GALNT1: variants seen among roughly 807,000 people sequenced by gnomAD.
The protein encoded by GALNT1 is GalNAc transferase 1.
A neutral mutation model predicts 65.7 loss-of-function variants in GALNT1; 17 were observed. The ratio of observed to expected loss-of-function variants is 0.26; its 90% CI spans 0.18 to 0.39. The LOEUF (loss-of-function observed/expected upper bound fraction) is 0.39, where lower values mean the gene tolerates loss of function less well. Ranked by LOEUF, GALNT1 falls within the 10% of genes least tolerant of loss-of-function variation. GALNT1 has a pLI of 1.00. For missense variants in GALNT1, 460 were observed against 672.8 expected (o/e 0.68, Z 3.50); for synonymous variants, 210 against 219.7 (o/e 0.96, Z 0.39).
chr18:35,636,087 T>A (rs975249665), intron 1 of GALNT1, among the ~76,000 whole-genome samples: 2 of 152,202 alleles, frequency 1.3e-5, no homozygotes, highest in Non-Finnish European at 2.9e-5. Context: ...GAAACCTGCT[T>A]TATGTTATAC....
intron 1 of GALNT1, among the ~76,000 whole-genome samples, chr18:35,637,545 G>T (rs2047107174): frequency 6.6e-6 from 1 of 152,240 alleles, no homozygotes; most frequent in Non-Finnish European, 1.5e-5. Flanking sequence ...TGAGGAAGCT[G>T]CAGAAGAAAA....
chr18:35,704,255 G>A (rs896414665), intron 11 of GALNT1, among the ~76,000 whole-genome samples: 3 of 150,434 alleles, frequency 2.0e-5, no homozygotes, highest in African/African-American at 7.4e-5. Context: ...TCTTTCTCTG[G>A]TTCTTTTTAA....
chr18:35,708,882 T>C (rs968341876), intron 11 of GALNT1, among the ~76,000 whole-genome samples: 2 of 152,250 alleles, frequency 1.3e-5, no homozygotes, highest in Non-Finnish European at 2.9e-5. Flanking sequence ...ATTATCTATG[T>C]AGTTTCCCAA....
At chr18:35,624,104 C>A (rs540681605) in intron 1 of GALNT1, among the ~76,000 whole-genome samples, 13 of 152,298 alleles carry the variant, frequency 8.5e-5, no homozygotes, top group African/African-American at 3.1e-4. Flanking sequence ...CTGTTCAGTT[C>A]TTTCAGCTAT....
chr18:35,696,435 C>T (rs547179262), intron 9 of GALNT1, among the ~76,000 whole-genome samples: 5 of 152,344 alleles, frequency 3.3e-5, no homozygotes, highest in Admixed American at 2.0e-4. Context: ...CTTCAGCTAA[C>T]GCTGACGTTC....
chr18:35,671,187 C>T lies in GALNT1; in HGVS notation c.315-6404C>T, dbSNP rs2047629623. 2.0e-5 allele frequency among the ~76,000 whole-genome samples: 3 copies of T among 152,030 alleles called. No homozygotes were observed. The South Asian group carries it at 6.2e-4, about 32-fold the overall frequency. ...CGTGCTCATGTTCATAGGCAGCCTACCATTGAAGGGACTCTCACTCTGTAT... is the reference window on the plus strand; with the variant it reads ...CGTGCTCATGTTCATAGGCAGCCTATCATTGAAGGGACTCTCACTCTGTAT... On this transcript the variant is annotated intron_variant, in intron 3 of 11. Coordinates refer to ENST00000269195, the MANE Select transcript of GALNT1 (RefSeq NM_020474.4).
rs1248045438 is a variant in GALNT1 at position 35,702,886 on chromosome 18, T to A, written c.1300-11T>A. 1.9e-6 allele frequency: 3 copies of A among 1,554,818 alleles called. No homozygotes were observed. Among genetic ancestry groups the A allele is most frequent in the South Asian group, 2.3e-5 (2 of 86,188 alleles). On this transcript the variant is annotated splice_polypyrimidine_tract_variant and intron_variant, in intron 9 of 11. Coordinates refer to ENST00000269195, the MANE Select transcript of GALNT1 (RefSeq NM_020474.4). ...CAACTCCTGATATTTTCATTATTTA[T>A]TGTCCCATAGATACGAAATGTGGAA...
At chr18:35,623,343 A>G (rs1196206680) in intron 1 of GALNT1, among the ~76,000 whole-genome samples, 1 of 149,100 alleles carries the variant, frequency 6.7e-6, no homozygotes, top group Non-Finnish European at 1.5e-5. Flanking sequence ...TGCTTTCAAT[A>G]TTTTGTCTTT....
At chr18:35,601,601 G>T (rs565357243) in intron 1 of GALNT1, among the ~76,000 whole-genome samples, 1 of 151,964 alleles carries the variant, frequency 6.6e-6, no homozygotes, top group Admixed American at 6.6e-5. Context: ...ATTTTGATAC[G>T]TTGTGTATCC....
At position 35,641,281 on chromosome 18, in the gene GALNT1, C is replaced by A. The variant is rs575972856; in HGVS notation, c.-103-13279C>A. Reference sequence around the variant, plus strand: ...CCAATATGGTGAAACCCTCTCTTTGCAAAAAAAATACAAAAATTAGGCGGG... The same window carrying A: ...CCAATATGGTGAAACCCTCTCTTTGAAAAAAAAATACAAAAATTAGGCGGG... On this transcript the variant is annotated intron_variant, in intron 1 of 11. Coordinates refer to ENST00000269195, the MANE Select transcript of GALNT1 (RefSeq NM_020474.4). Among the ~76,000 whole-genome samples the A allele has an allele frequency of 1.1e-3, 163 of 151,550 alleles. 1 individual carries two copies. Among genetic ancestry groups the A allele is most frequent in the Middle Eastern group, 0.01 (3 of 294 alleles).
At chr18:35,671,328 G>A (rs1227361219) in intron 3 of GALNT1, among the ~76,000 whole-genome samples, 2 of 152,060 alleles carry the variant, frequency 1.3e-5, no homozygotes, top group South Asian at 2.1e-4. Context: ...ACAATCATCC[G>A]ACCTCAGCCT....
intron 1 of GALNT1, among the ~76,000 whole-genome samples, chr18:35,654,203 C>T (rs1380169919): frequency 6.6e-6 from 1 of 152,128 alleles, no homozygotes; most frequent in Non-Finnish European, 1.5e-5. Context: ...TAGTAGCTCA[C>T]TGTTGTTTTA....
intron 1 of GALNT1, among the ~76,000 whole-genome samples, chr18:35,586,667 C>G (rs2046381709): frequency 6.6e-6 from 1 of 152,054 alleles, no homozygotes; most frequent in Admixed American, 6.6e-5. Flanking sequence ...ACTTCAGCAC[C>G]ATTCCTTGAA....
At chr18:35,691,268 T>C in intron 8 of GALNT1, 76 bp downstream of exon 8, 1 of 1,348,332 alleles carries the variant, frequency 7.4e-7, no homozygotes, top group East Asian at 2.4e-5. Flanking sequence ...GTAAGAAGGT[T>C]AGAAGTGAAG....
chr18:35,662,846 G>GTTT (rs1055827741), intron 2 of GALNT1, among the ~76,000 whole-genome samples: 10 of 152,184 alleles, frequency 6.6e-5, no homozygotes, highest in African/African-American at 2.4e-4. Context: ...AAGGAAGAAA[G>GTTT]TTTGGGAAGT....
At chr18:35,645,704 GT>G (rs955625827) in intron 1 of GALNT1, among the ~76,000 whole-genome samples, 6 of 151,990 alleles carry the variant, frequency 3.9e-5, no homozygotes, top group African/African-American at 9.7e-5. Flanking sequence ...TGATAATTTT[GT>G]TTTTTTCCCC....
intron 5 of GALNT1, among the ~76,000 whole-genome samples, chr18:35,685,245 TA>T (rs1261309820): frequency 6.6e-6 from 1 of 152,098 alleles, no homozygotes; most frequent in African/African-American, 2.4e-5. Flanking sequence ...CGTATGCGTG[TA>T]AAAAACATAT....
At chr18:35,603,981 T>C (rs2046614036) in intron 1 of GALNT1, among the ~76,000 whole-genome samples, 1 of 152,182 alleles carries the variant, frequency 6.6e-6, no homozygotes, top group South Asian at 2.1e-4. Flanking sequence ...TACATGGGTA[T>C]ATTGCATGCC....
intron 1 of GALNT1, among the ~76,000 whole-genome samples, chr18:35,609,459 C>T (rs2046690133): frequency 6.6e-6 from 1 of 152,090 alleles, no homozygotes; most frequent in Admixed American, 6.6e-5. Context: ...GATAATTTTG[C>T]CTGGAGCGCC....
Sources: allele counts gnomAD v4.1 joint callset (sites outside exome capture counted in the v4.1 genomes callset), GRCh38; gene constraint gnomAD v4.1.1; transcripts MANE v1.5; gene names NCBI Gene and HGNC (gene_info 2026-07-23, HGNC 2026-07-21).